The following SCAPER variants were observed in gnomAD, a reference collection of about 807,000 sequenced individuals.
The protein encoded by SCAPER is S phase cyclin A-associated protein in the endoplasmic reticulum.
SCAPER carries 98 observed loss-of-function variants against 182.2 expected under a neutral mutation model. The ratio of observed to expected loss-of-function variants is 0.54; its 90% CI spans 0.46 to 0.64. The LOEUF is 0.64. SCAPER is among the 30% of genes least tolerant of loss of function. The pLI is 0.00. For missense variants in SCAPER, 1,432 were observed against 1,690.0 expected (o/e 0.85, Z 2.68); for synonymous variants, 605 against 564.6 (o/e 1.07, Z -1.01).
chr15:76,512,090 G>A (rs1200955826), intron 23 of SCAPER, among the ~76,000 whole-genome samples: 1 of 151,514 alleles, frequency 6.6e-6, no homozygotes. Flanking sequence ...GTTTCACCAT[G>A]TTGGTCAGGC....
chr15:76,724,334 C>T, intron 17 of SCAPER, among the ~76,000 whole-genome samples: 1 of 152,140 alleles, frequency 6.6e-6, no homozygotes, highest in South Asian at 2.1e-4. Context: ...GCTAACCCAA[C>T]CTTTCTCTCT....
chr15:76,811,585 G>C (rs565299715), intron 5 of SCAPER, among the ~76,000 whole-genome samples: 1 of 152,288 alleles, frequency 6.6e-6, no homozygotes, highest in Admixed American at 6.5e-5. Context: ...GAAGTCGGGA[G>C]TTCAAGACCA....
At chr15:76,658,007 A>G (rs1356786560) in intron 21 of SCAPER, among the ~76,000 whole-genome samples, 1 of 152,126 alleles carries the variant, frequency 6.6e-6, no homozygotes, top group Non-Finnish European at 1.5e-5. Context: ...AAATGGAACA[A>G]AACAGGATTC....
chr15:76,826,659 T>C (rs1234645412), intron 5 of SCAPER, among the ~76,000 whole-genome samples: 2 of 151,818 alleles, frequency 1.3e-5, no homozygotes, highest in Non-Finnish European at 2.9e-5. Flanking sequence ...TGTTCCCTCC[T>C]AAAACAAAGT....
intron 21 of SCAPER, among the ~76,000 whole-genome samples, chr15:76,628,737 A>AT (rs2052819917): frequency 1.3e-5 from 2 of 152,100 alleles, no homozygotes; most frequent in South Asian, 4.1e-4. Flanking sequence ...TTAGCTTATG[A>AT]TTGTCTTGGC....
chr15:76,379,600 T>G (rs2042801818), intron 28 of SCAPER: 1 of 152,152 alleles, frequency 6.6e-6, no homozygotes, highest in African/African-American at 2.4e-5. Flanking sequence ...AAGATGGATA[T>G]AGCAAGGATC....
At chr15:76,396,337 T>C (rs528664394) in intron 27 of SCAPER, among the ~76,000 whole-genome samples, 2 of 152,350 alleles carry the variant, frequency 1.3e-5, no homozygotes, top group Admixed American at 6.5e-5. Context: ...CATTTTAGGA[T>C]TGTTTTTTCT....
chr15:76,450,630 T>G lies in SCAPER; in HGVS notation c.3079-16320A>C, dbSNP rs1046707461. 2.0e-5 allele frequency among the ~76,000 whole-genome samples: 3 copies of G among 152,186 alleles called. No individual in the cohort carries two copies. In the South Asian group the frequency reaches 6.2e-4, roughly 31 times the overall value. On this transcript the variant is annotated intron_variant, in intron 25 of 31. Coordinates refer to ENST00000563290, the MANE Select transcript of SCAPER (RefSeq NM_020843.4). The stretch of plus-strand genomic sequence containing the variant: ...GTGCAGTAGCCCAATCTCGGCTCAC[T>G]GCAACCTCCACCTCCCTGGTTCAAA...
chr15:76,761,505 T>C (rs910476455), intron 14 of SCAPER, among the ~76,000 whole-genome samples: 1 of 152,210 alleles, frequency 6.6e-6, no homozygotes, highest in Non-Finnish European at 1.5e-5. Context: ...TTTGTTTTCA[T>C]TTGCTTCAAG....
chr15:76,577,462 A>G (rs550280255), intron 22 of SCAPER, among the ~76,000 whole-genome samples: 44 of 152,178 alleles, frequency 2.9e-4, no homozygotes, highest in African/African-American at 9.6e-4. Context: ...GAAGAAGAAG[A>G]AGGAGAAAAA....
chr15:76,775,067 G>C lies in SCAPER; in HGVS notation c.823C>G (p.Arg275Gly). The change falls in exon 9 of 32, where the codon CGT becomes GGT. Residue 275 changes from arginine to glycine, a missense_variant. Arg to Gly is a moderately radical substitution (Grantham distance 125, BLOSUM62 -2). Around this residue, in one of 5 missense-constraint regions of SCAPER, gnomAD observed 480 missense variants for 510.2 expected, o/e 0.94. Transcript: ENST00000563290. ...GGCATCACTGCTGTTGATCGAGAAC[G>C]AATAGGCCTTCCTCTCTGAACGGTC... ...WETVQRGRPI[R>G]SRSTAVMPKV... is the part of the protein sequence containing the mutation. 6.2e-7 allele frequency: 1 copy of C among 1,613,658 alleles called. No individual in the cohort carries two copies. The highest frequency in any genetic ancestry group is 8.5e-7 in the Non-Finnish European group (1 of 1,179,712).
intron 29 of SCAPER, among the ~76,000 whole-genome samples, chr15:76,372,169 T>A (rs1215376567): frequency 6.6e-6 from 1 of 152,190 alleles, no homozygotes; most frequent in African/African-American, 2.4e-5. Flanking sequence ...AGGCAAGGTG[T>A]TGAAACACAG....
chr15:76,765,755 G>A (rs755583731), intron 11 of SCAPER, 117 bp from the exon 12 acceptor site: 3 of 866,322 alleles, frequency 3.5e-6, no homozygotes, highest in Admixed American at 2.4e-5. Context: ...TTAACCAACA[G>A]TTGAAAACCA....
At chr15:76,588,071 A>G (rs901568808) in intron 22 of SCAPER, among the ~76,000 whole-genome samples, 1 of 151,816 alleles carries the variant, frequency 6.6e-6, no homozygotes, top group Non-Finnish European at 1.5e-5. Context: ...ACAAGCGCCC[A>G]CCACCATGCC....
At chr15:76,822,449 G>A (rs1414553100) in intron 5 of SCAPER, among the ~76,000 whole-genome samples, 3 of 152,194 alleles carry the variant, frequency 2.0e-5, no homozygotes, top group Non-Finnish European at 4.4e-5. Flanking sequence ...AGGCAACTCT[G>A]CACAACTTAA....
intron 8 of SCAPER, among the ~76,000 whole-genome samples, chr15:76,778,337 A>G (rs1005352464): frequency 4.6e-5 from 7 of 152,312 alleles, no homozygotes; most frequent in East Asian, 1.9e-4. Context: ...GTGTATGCCA[A>G]TATCAGTAAA....
At chr15:76,712,419 G>A (rs1284212016) in intron 17 of SCAPER, among the ~76,000 whole-genome samples, 7 of 152,020 alleles carry the variant, frequency 4.6e-5, no homozygotes, top group South Asian at 2.1e-4. Flanking sequence ...TTGGCGATGC[G>A]GGCTCTTTTT....
chr15:76,747,744 C>T (rs1239549984), intron 15 of SCAPER, among the ~76,000 whole-genome samples: 1 of 152,104 alleles, frequency 6.6e-6, no homozygotes, highest in Non-Finnish European at 1.5e-5. Flanking sequence ...ATGTGATCTG[C>T]ACATGCTGGC....
chr15:76,521,548 G>A (rs987549683), intron 23 of SCAPER, among the ~76,000 whole-genome samples: 1 of 152,012 alleles, frequency 6.6e-6, no homozygotes, highest in Admixed American at 6.6e-5. Flanking sequence ...GCTGTAGTTC[G>A]GTTATCCATT....
Sources: gnomAD v4.1 joint callset for allele counts (sites outside exome capture counted in the v4.1 genomes callset) on GRCh38, gnomAD v4.1.1 for gene constraint, gnomAD v4.1.1 regional missense constraint, MANE v1.5 for transcripts, NCBI Gene and HGNC (gene_info 2026-07-23, HGNC 2026-07-21) for gene names.